NRCAM: variants seen among roughly 807,000 people sequenced by gnomAD.
NRCAM encodes the protein neuronal cell adhesion molecule.
A neutral mutation model predicts 156.5 loss-of-function variants in NRCAM; 83 were observed. That is an observed-to-expected ratio of 0.53 (90% CI 0.44 to 0.64). The LOEUF (loss-of-function observed/expected upper bound fraction) is 0.64, where lower values mean the gene tolerates loss of function less well. NRCAM is among the 30% of genes least tolerant of loss of function. NRCAM has a pLI of 0.00. For missense variants in NRCAM, 1,417 were observed against 1,597.3 expected (o/e 0.89, Z 1.92); for synonymous variants, 538 against 563.9 (o/e 0.95, Z 0.65).
intron 11 of NRCAM, among the ~76,000 whole-genome samples, chr7:108,213,275 A>T (rs188917588): frequency 6.6e-6 from 1 of 152,356 alleles, no homozygotes; most frequent in Admixed American, 6.5e-5. Context: ...TCCTGGAAAC[A>T]CATCAAAACA....
chr7:108,216,100 G>A (rs59080637), intron 11 of NRCAM, among the ~76,000 whole-genome samples: 1 of 152,158 alleles, frequency 6.6e-6, no homozygotes, highest in Non-Finnish European at 1.5e-5. Context: ...TTGTAAGGCA[G>A]GCCTGGTGGT....
intron 1 of NRCAM, among the ~76,000 whole-genome samples, chr7:108,448,741 A>G (rs567249144): frequency 1.4e-4 from 21 of 152,342 alleles, no homozygotes; most frequent in African/African-American, 4.8e-4. Flanking sequence ...GCCATATGAA[A>G]AACTTCGAGA....
intron 1 of NRCAM, among the ~76,000 whole-genome samples, chr7:108,447,485 C>T (rs1412438276): frequency 6.6e-6 from 1 of 151,596 alleles, no homozygotes; most frequent in Non-Finnish European, 1.5e-5. Context: ...CTGGCCAGGG[C>T]GCTCTTGAAC....
intron 28 of NRCAM, among the ~76,000 whole-genome samples, chr7:108,171,197 C>T (rs182058058): frequency 7.2e-5 from 11 of 152,294 alleles, no homozygotes; most frequent in Non-Finnish European, 1.3e-4. Context: ...GGACTGCTTC[C>T]GGTGTGCCTC....
chr7:108,290,944 T>A (rs1241712387), intron 3 of NRCAM, among the ~76,000 whole-genome samples: 1 of 152,162 alleles, frequency 6.6e-6, no homozygotes, highest in Non-Finnish European at 1.5e-5. Flanking sequence ...TGCTGCCAGA[T>A]AAACAGCATT....
At chr7:108,277,024 G>T (rs1362502948) in intron 3 of NRCAM, among the ~76,000 whole-genome samples, 2 of 152,156 alleles carry the variant, frequency 1.3e-5, no homozygotes, top group Admixed American at 1.3e-4. Flanking sequence ...GAAATTCTGG[G>T]TTGAAAATTC....
At chr7:108,152,908 G>C (rs574152081) in intron 32 of NRCAM, among the ~76,000 whole-genome samples, 6 of 152,108 alleles carry the variant, frequency 3.9e-5, no homozygotes, top group Admixed American at 1.3e-4. Flanking sequence ...GAGCCAACAG[G>C]ATTTTCTGAT....
chr7:108,373,363 GA>G (rs2099641459), intron 2 of NRCAM, among the ~76,000 whole-genome samples: 2 of 152,124 alleles, frequency 1.3e-5, no homozygotes. Flanking sequence ...ACTATAATAA[GA>G]GAGATACACA....
intron 3 of NRCAM, among the ~76,000 whole-genome samples, chr7:108,242,325 G>A (rs543312511): frequency 6.9e-6 from 1 of 145,510 alleles, no homozygotes; most frequent in South Asian, 2.2e-4. Context: ...ATATTATTTT[G>A]TGAATAAAAC....
intron 25 of NRCAM, among the ~76,000 whole-genome samples, chr7:108,179,863 C>T (rs536217546): frequency 1.3e-5 from 2 of 152,278 alleles, no homozygotes; most frequent in South Asian, 4.2e-4. Context: ...GGTTCTCATG[C>T]TTTTCAGATG....
chr7:108,395,395 G>A (rs573602909), intron 2 of NRCAM, among the ~76,000 whole-genome samples: 6 of 152,288 alleles, frequency 3.9e-5, no homozygotes, highest in South Asian at 2.1e-4. Flanking sequence ...AATGGCCCAC[G>A]AATTGCTGAG....
At chr7:108,228,132 G>C (rs2093763746) in intron 8 of NRCAM, among the ~76,000 whole-genome samples, 1 of 152,124 alleles carries the variant, frequency 6.6e-6, no homozygotes, top group African/African-American at 2.4e-5. Context: ...GACCAGTCTG[G>C]CCAACATGGC....
chr7:108,279,683 T>TC (rs1382028691), intron 3 of NRCAM, among the ~76,000 whole-genome samples: 4 of 98,292 alleles, frequency 4.1e-5, no homozygotes, highest in African/African-American at 1.2e-4. Flanking sequence ...CGCCTCTGCC[T>TC]CCCAAGTAGC....
chr7:108,208,367 C>A (rs546634612), intron 12 of NRCAM, among the ~76,000 whole-genome samples: 1 of 152,178 alleles, frequency 6.6e-6, no homozygotes, highest in African/African-American at 2.4e-5. Flanking sequence ...AATTAGGAAG[C>A]AACTTAAAAA....
intron 6 of NRCAM, among the ~76,000 whole-genome samples, chr7:108,233,401 G>A (rs567172165): frequency 6.6e-6 from 1 of 152,292 alleles, no homozygotes; most frequent in Admixed American, 6.5e-5. Flanking sequence ...CATATTGTGG[G>A]CAGGGGCCAC....
At chr7:108,339,760 A>G (rs543284982) in intron 2 of NRCAM, among the ~76,000 whole-genome samples, 1 of 152,304 alleles carries the variant, frequency 6.6e-6, no homozygotes, top group East Asian at 1.9e-4. Flanking sequence ...TGCTCGTCGG[A>G]AAATGACTAG....
At chr7:108,234,918 C>A in intron 5 of NRCAM, 1 of 670,170 alleles carries the variant, frequency 1.5e-6, no homozygotes, top group South Asian at 1.5e-5. Flanking sequence ...CTTGCAAAGT[C>A]CATTTTCTCA....
chr7:108,162,121 T>C (rs1002344622), intron 30 of NRCAM, among the ~76,000 whole-genome samples: 7 of 152,340 alleles, frequency 4.6e-5, no homozygotes, highest in African/African-American at 1.4e-4. Flanking sequence ...AATAAATCCA[T>C]GCCCAGAGAA....
chr7:108,218,762 A>G (rs1010214136), intron 11 of NRCAM, among the ~76,000 whole-genome samples: 1 of 152,196 alleles, frequency 6.6e-6, no homozygotes, highest in Admixed American at 6.5e-5. Flanking sequence ...AAAGACTGAA[A>G]GGGCACAAAC....
Sources: allele counts gnomAD v4.1 joint callset (sites outside exome capture counted in the v4.1 genomes callset), GRCh38; gene constraint gnomAD v4.1.1; transcripts MANE v1.5; gene names NCBI Gene and HGNC (gene_info 2026-07-23, HGNC 2026-07-21).